Variants in ARHGAP39 observed in about 807,000 individuals in gnomAD.
ARHGAP39 encodes rho GTPase-activating protein 39.
ARHGAP39 carries 44 observed loss-of-function variants against 106.9 expected under a neutral mutation model. That is an observed-to-expected ratio of 0.41 (90% confidence interval 0.32 to 0.53). ARHGAP39 has a LOEUF of 0.53. ARHGAP39 is among the 20% of genes least tolerant of loss of function. The probability of loss-of-function intolerance (pLI) is 0.21; values close to 1 mark genes in which losing one functional copy is unlikely to be tolerated. For missense variants in ARHGAP39, 1,496 were observed against 1,577.3 expected (o/e 0.95, Z 0.87); for synonymous variants, 768 against 693.2 (o/e 1.11, Z -1.69).
chr8:144,658,978 T>C (rs541718793), intron 1 of ARHGAP39, among the ~76,000 whole-genome samples: 2 of 152,248 alleles, frequency 1.3e-5, no homozygotes, highest in African/African-American at 4.8e-5. Context: ...ACCTGAATCA[T>C]GGGGAGGTGT....
At chr8:144,549,294 G>A (rs769865218) in intron 4 of ARHGAP39, among the ~76,000 whole-genome samples, 29 of 152,236 alleles carry the variant, frequency 1.9e-4, no homozygotes, top group Non-Finnish European at 2.4e-4. Context: ...GACCCAGGAC[G>A]CTGCCAGGGA....
chr8:144,561,395 G>T (rs560512845), intron 3 of ARHGAP39, among the ~76,000 whole-genome samples: 1 of 147,080 alleles, frequency 6.8e-6, no homozygotes, highest in Admixed American at 6.9e-5. Context: ...CACCCCAGTG[G>T]TGTCCATCAC....
chr8:144,560,171 C>A (rs551406473), intron 3 of ARHGAP39, among the ~76,000 whole-genome samples: 1 of 152,246 alleles, frequency 6.6e-6, no homozygotes, highest in Admixed American at 6.5e-5. Context: ...CAGTGACTCA[C>A]GCCTGTAATT....
At chr8:144,633,470 AAAAAG>A (rs985054292) in intron 1 of ARHGAP39, among the ~76,000 whole-genome samples, 6 of 152,224 alleles carry the variant, frequency 3.9e-5, no homozygotes, top group African/African-American at 1.4e-4. Flanking sequence ...AAAAAAGAAG[AAAAAG>A]AAAAGAAAAG....
At chr8:144,661,180 T>G (rs946425417) in intron 1 of ARHGAP39, among the ~76,000 whole-genome samples, 1 of 152,116 alleles carries the variant, frequency 6.6e-6, no homozygotes, top group African/African-American at 2.4e-5. Flanking sequence ...GGGACCACCA[T>G]GGCCCCTTCA....
At chr8:144,559,354 C>CAAAAAA (rs59435627) in intron 3 of ARHGAP39, among the ~76,000 whole-genome samples, 2 of 42,894 alleles carry the variant, frequency 4.7e-5, no homozygotes, top group African/African-American at 1.1e-4. Flanking sequence ...ACTTTGTCTC[C>CAAAAAA]AAAAAAAAAA....
At position 144,530,382 on chromosome 8, in the gene ARHGAP39, G is replaced by A. The variant is rs933466469; in HGVS notation, c.*40C>T. The stretch of plus-strand genomic sequence containing the variant: ...AGCGAGTGCGGAGTTCGGCCTGGCT[G>A]GGGGCGGCAGGACATCCCTCCTGTC... On this transcript the variant is annotated 3_prime_UTR_variant, in exon 12 of 12. Transcript: ENST00000377307. 1.3e-6 allele frequency: 2 copies of A among 1,550,036 alleles called. No individual in the cohort carries two copies. Among genetic ancestry groups the A allele is most frequent in the African/African-American group, 1.4e-5 (1 of 73,356 alleles).
At chr8:144,659,660 T>G (rs988292167) in intron 1 of ARHGAP39, among the ~76,000 whole-genome samples, 4 of 152,202 alleles carry the variant, frequency 2.6e-5, no homozygotes, top group Non-Finnish European at 2.9e-5. Context: ...AAACAATTTT[T>G]TGCAAAATCT....
chr8:144,601,998 C>T (rs1586601717), intron 2 of ARHGAP39, among the ~76,000 whole-genome samples: 1 of 112,582 alleles, frequency 8.9e-6, no homozygotes, highest in African/African-American at 3.5e-5. Flanking sequence ...AGCTCATGTA[C>T]CTGTGTGTGT....
At chr8:144,582,744 A>T (rs1434354525) in intron 2 of ARHGAP39, among the ~76,000 whole-genome samples, 6 of 152,158 alleles carry the variant, frequency 3.9e-5, no homozygotes, top group Non-Finnish European at 8.8e-5. Context: ...TGGTGCACTC[A>T]GAAGTCCAAT....
Position 144,644,013 on chromosome 8 carries a change from A to G in ARHGAP39, c.-81-38318T>C, listed in dbSNP as rs750653862. On this transcript the variant is annotated intron_variant, in intron 1 of 11. Coordinates refer to ENST00000377307, the MANE Select transcript of ARHGAP39 (RefSeq NM_025251.3). The surrounding 1 kb of genome is among the most constrained non-coding windows in gnomAD (Gnocchi z 4.8). ...CACTGCAAGTAAGAACTCACTTTGG[A>G]AAACAGTTTGGCAAAAATCTACCAC... Among the ~76,000 whole-genome samples the G allele has an allele frequency of 6.6e-6, 1 of 152,192 alleles. No homozygotes were observed. Among genetic ancestry groups the G allele is most frequent in the Non-Finnish European group, 1.5e-5 (1 of 68,034 alleles).
chr8:144,583,131 C>T (rs1586578650), intron 2 of ARHGAP39, among the ~76,000 whole-genome samples: 1 of 152,286 alleles, frequency 6.6e-6, no homozygotes, highest in South Asian at 2.1e-4. Flanking sequence ...TCTCGCCAGG[C>T]ACCAATAGCT....
rs1360199724 is a variant in ARHGAP39, at chr8:144,534,111, C to T, written c.2688+18G>A. The T allele has an allele frequency of 1.2e-6, 2 of 1,612,024 alleles. No homozygotes were observed. The highest frequency in any genetic ancestry group is 1.7e-6 in the Non-Finnish European group (2 of 1,179,526). On this transcript the variant is annotated intron_variant, in intron 8 of 11. Coordinates refer to ENST00000377307, the MANE Select transcript of ARHGAP39 (RefSeq NM_025251.3). ...GTGTCCCCGCCTGCCCTCCCCGGCC[C>T]CCCAGGCGCACCCGTACCTTCTTGG... is the stretch of plus-strand genomic sequence containing the variant.
rs867766091 is a variant in ARHGAP39, at chr8:144,541,888, G to A, written c.2521+3361C>T. On this transcript the variant is annotated intron_variant, in intron 6 of 11. Transcript: ENST00000377307. ...CATTCTGGAAGTGGAAATGCTAGAT[G>A]ATATGGGAATTATATTTTTAATTAT... Among the ~76,000 whole-genome samples, 10 of 152,010 alleles carry A rather than the reference G, an allele frequency of 6.6e-5. No homozygotes were observed. The South Asian group carries it at 1.2e-3, about 19-fold the overall frequency.
chr8:144,539,096 T>C (rs746214688), intron 6 of ARHGAP39, among the ~76,000 whole-genome samples: 4 of 152,146 alleles, frequency 2.6e-5, no homozygotes, highest in Middle Eastern at 3.2e-3. Flanking sequence ...TGGATCGTTT[T>C]AATGGAAAAT....
chr8:144,663,238 G>T (rs1413869220), intron 1 of ARHGAP39, among the ~76,000 whole-genome samples: 1 of 151,948 alleles, frequency 6.6e-6, no homozygotes, highest in Non-Finnish European at 1.5e-5. Flanking sequence ...CTGAATCTAG[G>T]TAATTTATTT....
intron 1 of ARHGAP39, among the ~76,000 whole-genome samples, chr8:144,632,382 A>C (rs982200953): frequency 6.6e-6 from 1 of 152,090 alleles, no homozygotes; most frequent in Admixed American, 6.5e-5. Context: ...TTCCAGCCGC[A>C]CTGGAGCAGC....
chr8:144,567,184 A>G (rs1394505840), intron 3 of ARHGAP39, among the ~76,000 whole-genome samples: 1 of 152,212 alleles, frequency 6.6e-6, no homozygotes, highest in African/African-American at 2.4e-5. Flanking sequence ...TTATATATGA[A>G]TATCATTGAT....
chr8:144,613,770 A>C (rs980776491), intron 1 of ARHGAP39, among the ~76,000 whole-genome samples: 7 of 152,218 alleles, frequency 4.6e-5, no homozygotes, highest in African/African-American at 1.7e-4. Flanking sequence ...GTCAACAAAG[A>C]AAAAAGAAAG....
Sources: gnomAD v4.1 joint callset for allele counts (sites outside exome capture counted in the v4.1 genomes callset) on GRCh38, gnomAD v4.1.1 for gene constraint, Gnocchi (gnomAD v3.1) non-coding constraint, MANE v1.5 for transcripts, NCBI Gene and HGNC (gene_info 2026-07-23, HGNC 2026-07-21) for gene names.